The following CHD9 variants were observed in gnomAD, a reference collection of about 807,000 sequenced individuals.
CHD9 encodes the protein chromodomain helicase DNA binding protein 9.
CHD9 carries 77 observed loss-of-function variants against 316.1 expected under a neutral mutation model. The observed-to-expected ratio is 0.24, with a 90% CI of 0.20 to 0.29. The LOEUF is 0.29. Ranked by LOEUF, CHD9 falls within the 10% of genes least tolerant of loss-of-function variation. The probability of loss-of-function intolerance (pLI) is 1.00; values close to 1 mark genes in which losing one functional copy is unlikely to be tolerated. For missense variants in CHD9, 2,763 were observed against 3,438.1 expected, an observed-to-expected ratio of 0.80 and a Z score of 4.91; for synonymous variants, 1,129 against 1,158.3, an observed-to-expected ratio of 0.97 and a Z score of 0.51.
intron 1 of CHD9, among the ~76,000 whole-genome samples, chr16:53,138,121 G>A (rs1268113513): frequency 2.0e-5 from 3 of 152,028 alleles, no homozygotes; most frequent in Non-Finnish European, 4.4e-5. Flanking sequence ...CTACTGATAG[G>A]GGATATACAT....
chr16:53,319,196 ATAAT>A (rs1555551085), intron 37 of CHD9, among the ~76,000 whole-genome samples: 1 of 152,340 alleles, frequency 6.6e-6, no homozygotes, highest in Admixed American at 6.5e-5. Flanking sequence ...AAGCAACAAA[ATAAT>A]TAGGAAAGAA....
At chr16:53,265,225 AC>A (rs1278921093) in intron 20 of CHD9, among the ~76,000 whole-genome samples, 2 of 152,084 alleles carry the variant, frequency 1.3e-5, no homozygotes, top group African/African-American at 2.4e-5. Context: ...ACATAGCAAG[AC>A]CCTGTTCTCT....
At chr16:53,264,255 T>A (rs760492634) in intron 20 of CHD9, among the ~76,000 whole-genome samples, 1 of 152,124 alleles carries the variant, frequency 6.6e-6, no homozygotes, top group Non-Finnish European at 1.5e-5. Flanking sequence ...TTTAAATTTT[T>A]TTGGAAGAAT....
chr16:53,144,994 CAA>C (rs60107956), intron 1 of CHD9, among the ~76,000 whole-genome samples: 91 of 113,454 alleles, frequency 8.0e-4, no homozygotes, highest in South Asian at 2.7e-3. Context: ...GACCCTGTCT[CAA>C]AAAAAAAAAA....
chr16:53,075,424 G>A (rs1009099205), intron 1 of CHD9, among the ~76,000 whole-genome samples: 2 of 152,094 alleles, frequency 1.3e-5, no homozygotes, highest in Non-Finnish European at 1.5e-5. Context: ...ATTTGGAGGG[G>A]CCAGGGGCGG....
At position 53,301,003 on chromosome 16, in the gene CHD9, G is replaced by A. The variant is rs151054427; in HGVS notation, c.5714-2717G>A. Among the ~76,000 whole-genome samples, 620 of 152,264 alleles carry A rather than the reference G, an allele frequency of 4.1e-3. 3 individuals are homozygous for A. Among genetic ancestry groups the A allele is most frequent in the Non-Finnish European group, 6.2e-3 (423 of 68,020 alleles). ...CACGAGAATCACTTGAGCCTGGGAG[G>A]CGGAGGTTGCAGTGAGCCAAGATCG... On this transcript the variant is annotated intron_variant, in intron 30 of 38. Coordinates refer to ENST00000447540, the MANE Select transcript of CHD9 (RefSeq NM_001308319.2).
chr16:53,276,724 C>T (rs1411470935), intron 24 of CHD9, among the ~76,000 whole-genome samples: 2 of 152,044 alleles, frequency 1.3e-5, no homozygotes, highest in Non-Finnish European at 2.9e-5. Context: ...CTACATCATT[C>T]TTCTGGCATA....
chr16:53,068,453 T>G (rs1256185409), intron 1 of CHD9, among the ~76,000 whole-genome samples: 1 of 152,140 alleles, frequency 6.6e-6, no homozygotes, highest in Non-Finnish European at 1.5e-5. Context: ...CACACAGTAC[T>G]TCAGCTAAAC....
intron 8 of CHD9, among the ~76,000 whole-genome samples, chr16:53,230,655 G>C (rs2048088311): frequency 6.6e-6 from 1 of 152,086 alleles, no homozygotes; most frequent in Non-Finnish European, 1.5e-5. Flanking sequence ...TTAAGTAAAG[G>C]AGCGATATAT....
intron 38 of CHD9, among the ~76,000 whole-genome samples, chr16:53,323,386 T>C (rs1399685182): frequency 6.6e-6 from 1 of 152,194 alleles, no homozygotes; most frequent in Non-Finnish European, 1.5e-5. Flanking sequence ...TCTAAACTCT[T>C]AAAACTTCTA....
intron 2 of CHD9, among the ~76,000 whole-genome samples, chr16:53,200,100 A>C (rs2045314860): frequency 6.6e-6 from 1 of 151,942 alleles, no homozygotes; most frequent in East Asian, 1.9e-4. Context: ...GAGGCTGGGC[A>C]CGGTGGCTCA....
chr16:53,085,206 C>G (rs994447515), intron 1 of CHD9, among the ~76,000 whole-genome samples: 3 of 151,916 alleles, frequency 2.0e-5, no homozygotes, highest in Non-Finnish European at 1.5e-5. Flanking sequence ...CCCCACCACT[C>G]TGGTCAGCTG....
chr16:53,310,733 C>G (rs956503827), intron 34 of CHD9: 1 of 151,300 alleles, frequency 6.6e-6, no homozygotes, highest in Non-Finnish European at 1.5e-5. Context: ...TGCCCAGATT[C>G]CCAGCTACTC....
chr16:53,150,114 A>G (rs1451666429), intron 1 of CHD9, among the ~76,000 whole-genome samples: 1 of 152,066 alleles, frequency 6.6e-6, no homozygotes, highest in African/African-American at 2.4e-5. Context: ...GTAATTATTG[A>G]TAAAGAAAAC....
chr16:53,279,359 G>A lies in CHD9; in HGVS notation c.4967+5057G>A, dbSNP rs1469728725. 1.1e-4 allele frequency among the ~76,000 whole-genome samples: 16 copies of A among 151,884 alleles called. No homozygotes were observed. The South Asian group carries it at 1.2e-3, about 12-fold the overall frequency. On this transcript the variant is annotated intron_variant, in intron 24 of 38. Transcript: ENST00000447540. The stretch of plus-strand genomic sequence containing the variant: ...GGAACATCACACACTGGGGCCTGTC[G>A]TGGGGTGGGGGGTAAGGGGGAGGGA...
At chr16:53,193,164 A>C (rs1017840159) in intron 2 of CHD9, among the ~76,000 whole-genome samples, 2 of 152,102 alleles carry the variant, frequency 1.3e-5, no homozygotes, top group African/African-American at 2.4e-5. Flanking sequence ...TGTTTTAACC[A>C]TCCGGCCGGG....
chr16:53,216,320 C>G (rs2046760803), intron 3 of CHD9, among the ~76,000 whole-genome samples: 1 of 151,986 alleles, frequency 6.6e-6, no homozygotes, highest in African/African-American at 2.4e-5. Flanking sequence ...ACATTTATGG[C>G]TATCTGTTGT....
chr16:53,161,845 G>T (rs543953747), intron 2 of CHD9, among the ~76,000 whole-genome samples: 34 of 152,176 alleles, frequency 2.2e-4, no homozygotes, highest in East Asian at 1.4e-3. Context: ...TCTGCCTCCT[G>T]GGCTTAAGCG....
chr16:53,194,101 G>T (rs999703695), intron 2 of CHD9, among the ~76,000 whole-genome samples: 2 of 152,016 alleles, frequency 1.3e-5, no homozygotes, highest in Non-Finnish European at 2.9e-5. Context: ...TGGACACAGT[G>T]GCTTATGCCG....
Sources: gnomAD v4.1 joint callset for allele counts (sites outside exome capture counted in the v4.1 genomes callset) on GRCh38, gnomAD v4.1.1 for gene constraint, MANE v1.5 for transcripts, NCBI Gene and HGNC (gene_info 2026-07-23, HGNC 2026-07-21) for gene names.